Variants in MMP16 observed in about 807,000 individuals in gnomAD.
MMP16 encodes the protein matrix metallopeptidase 16.
Under a neutral mutation model 67.8 loss-of-function variants are expected in MMP16, and 12 were observed. That is an observed-to-expected ratio of 0.18 (90% CI 0.11 to 0.29). The LOEUF is 0.29. Ranked by LOEUF, MMP16 falls within the 10% of genes least tolerant of loss-of-function variation. The pLI is 1.00. For missense variants in MMP16, 475 were observed against 765.7 expected, an observed-to-expected ratio of 0.62 and a Z score of 4.48; for synonymous variants, 249 against 255.9, an observed-to-expected ratio of 0.97 and a Z score of 0.26.
Position 88,041,498 on chromosome 8 carries a change from A to T in MMP16, c.1787T>A (p.Ile596Lys). The change falls in exon 10 of 10, where the codon ATA becomes AAA. Residue 596 changes from isoleucine to lysine, a missense_variant. Ile to Lys is a moderately radical substitution (Grantham distance 102). Transcript: ENST00000286614. This position sits in a 1 kb window ranked among gnomAD's most constrained non-coding sequence, Gnocchi z 6.0. Reference sequence around the variant, plus strand: ...TTGCATAGAGCGTTTACAGTACAGTATGTGGCGGGGTGTTCCTTTCCTCTT... The same window carrying T: ...TTGCATAGAGCGTTTACAGTACAGTTTGTGGCGGGGTGTTCCTTTCCTCTT... Reference protein sequence around the residue: ...QFKRKGTPRHILYCKRSMQEW... With the variant: ...QFKRKGTPRHKLYCKRSMQEW... 6.2e-7 allele frequency: 1 copy of T among 1,614,106 alleles called. No individual in the cohort carries two copies. Among genetic ancestry groups the T allele is most frequent in the Non-Finnish European group, 8.5e-7 (1 of 1,179,958 alleles).
At chr8:88,095,144 T>C (rs866110315) in intron 6 of MMP16, among the ~76,000 whole-genome samples, 24 of 152,004 alleles carry the variant, frequency 1.6e-4, no homozygotes, top group African/African-American at 5.8e-4. Context: ...CTTAGTGATA[T>C]GGAGGAAAAG....
chr8:88,223,895 T>C (rs933301514), intron 1 of MMP16, among the ~76,000 whole-genome samples: 2 of 151,632 alleles, frequency 1.3e-5, no homozygotes, highest in Non-Finnish European at 2.9e-5. Context: ...ACCTGAAAAG[T>C]GGGAGAGTTT....
chr8:88,158,489 A>G lies in MMP16; in HGVS notation c.709+9180T>C, dbSNP rs181996474. On this transcript the variant is annotated intron_variant, in intron 4 of 9. Coordinates refer to ENST00000286614, the MANE Select transcript of MMP16 (RefSeq NM_005941.5). ...CTTCTTTTGAGAAGTGTCGATTCAT[A>G]TCCTTTGCCCACTTTTTGATGGGGT... Among the ~76,000 whole-genome samples the G allele has an allele frequency of 7.8e-3, 1,195 of 152,262 alleles. 17 individuals carry two copies. Among genetic ancestry groups the G allele is most frequent in the Middle Eastern group, 0.075 (22 of 292 alleles).
intron 3 of MMP16, among the ~76,000 whole-genome samples, chr8:88,174,901 G>A (rs772739588): frequency 2.0e-5 from 3 of 151,890 alleles, no homozygotes; most frequent in Non-Finnish European, 4.4e-5. Context: ...TAAAACGCAC[G>A]CGCCACCACG....
intron 1 of MMP16, among the ~76,000 whole-genome samples, chr8:88,284,807 C>T (rs1245448777): frequency 1.3e-5 from 2 of 151,926 alleles, no homozygotes; most frequent in East Asian, 1.9e-4. Flanking sequence ...AACTCTCTTC[C>T]CCCAAGGGTG....
chr8:88,312,123 G>C (rs1199858688), intron 1 of MMP16, among the ~76,000 whole-genome samples: 1 of 152,136 alleles, frequency 6.6e-6, no homozygotes, highest in South Asian at 2.1e-4. Flanking sequence ...TACACAGTAA[G>C]ATGGATAAGC....
intron 1 of MMP16, among the ~76,000 whole-genome samples, chr8:88,246,389 G>A (rs1040668775): frequency 2.0e-5 from 3 of 152,150 alleles, no homozygotes; most frequent in Admixed American, 6.6e-5. Context: ...TAAAGTTATT[G>A]CATATGAATC....
intron 4 of MMP16, among the ~76,000 whole-genome samples, chr8:88,162,490 A>G (rs1586183600): frequency 1.3e-5 from 2 of 152,096 alleles, no homozygotes; most frequent in South Asian, 4.1e-4. Context: ...AAGTTATCTT[A>G]CTTTAAGGAT....
chr8:88,074,804 G>A (rs745725084), intron 6 of MMP16, 61 bp from the exon 7 acceptor site: 161 of 1,563,534 alleles, frequency 1.0e-4, no homozygotes, highest in Non-Finnish European at 1.3e-4. Context: ...ATTTCACGGC[G>A]CAATGGCTGG....
chr8:88,221,213 A>C (rs1809677177), intron 1 of MMP16, among the ~76,000 whole-genome samples: 1 of 152,158 alleles, frequency 6.6e-6, no homozygotes, highest in South Asian at 2.1e-4. Context: ...CGTCCTAGAC[A>C]GCCAGGCAGG....
chr8:88,111,624 T>C (rs1389159796), intron 6 of MMP16, among the ~76,000 whole-genome samples: 2 of 151,732 alleles, frequency 1.3e-5, no homozygotes, highest in Non-Finnish European at 2.9e-5. Flanking sequence ...TTCAAGTCAG[T>C]TATTGAAGAG....
intron 1 of MMP16, among the ~76,000 whole-genome samples, chr8:88,315,933 AC>A (rs1488591857): frequency 6.6e-6 from 1 of 152,202 alleles, no homozygotes; most frequent in Non-Finnish European, 1.5e-5. Context: ...CAGTGAACAC[AC>A]AAATGATAAG....
intron 2 of MMP16, among the ~76,000 whole-genome samples, chr8:88,188,211 A>G (rs943109283): frequency 6.6e-6 from 1 of 152,210 alleles, no homozygotes; most frequent in African/African-American, 2.4e-5. Context: ...TATTGATTTA[A>G]TTAACAATTG....
At chr8:88,260,018 A>G (rs1810361860) in intron 1 of MMP16, among the ~76,000 whole-genome samples, 1 of 152,228 alleles carries the variant, frequency 6.6e-6, no homozygotes, top group Non-Finnish European at 1.5e-5. Context: ...GGTTTAACTT[A>G]GTTGACCAAA....
rs112295025 is a variant in MMP16, at chr8:88,130,759, C to CGTGT, written c.710-11902_710-11899dup. Among the ~76,000 whole-genome samples the CGTGT allele has an allele frequency of 3.5e-3, 519 of 146,752 alleles. 4 individuals are homozygous for CGTGT. Among genetic ancestry groups the CGTGT allele is most frequent in the African/African-American group, 9.9e-3 (399 of 40,250 alleles). ...CATAACCTAAATGTCTTGTGAAATACGTGTGTGTGTGTGTGTGTGTGTGTG... is the reference window on the plus strand; with the variant it reads ...CATAACCTAAATGTCTTGTGAAATACGTGTGTGTGTGTGTGTGTGTGTGTGTGTG... On this transcript the variant is annotated intron_variant, in intron 4 of 9. Coordinates refer to ENST00000286614, the MANE Select transcript of MMP16 (RefSeq NM_005941.5).
chr8:88,213,216 C>T (rs1809538144), intron 1 of MMP16, among the ~76,000 whole-genome samples: 1 of 152,062 alleles, frequency 6.6e-6, no homozygotes, highest in Non-Finnish European at 1.5e-5. Context: ...TGTTAAGATC[C>T]TCCACACTGA....
intron 1 of MMP16, among the ~76,000 whole-genome samples, chr8:88,322,972 C>T (rs146676480): frequency 6.6e-6 from 1 of 152,154 alleles, no homozygotes; most frequent in Non-Finnish European, 1.5e-5. Context: ...GCACCCTAAA[C>T]AGCCAGCATA....
At chr8:88,296,700 G>A (rs1811017729) in intron 1 of MMP16, among the ~76,000 whole-genome samples, 1 of 151,544 alleles carries the variant, frequency 6.6e-6, no homozygotes, top group Non-Finnish European at 1.5e-5. Flanking sequence ...AGGATGACAG[G>A]TATGACAGGG....
intron 1 of MMP16, among the ~76,000 whole-genome samples, chr8:88,273,310 T>C (rs938762514): frequency 6.6e-6 from 1 of 151,210 alleles, no homozygotes; most frequent in African/African-American, 2.4e-5. Context: ...AGGCTTGTCT[T>C]GAACTCCCAG....
Sources: gnomAD v4.1 joint callset for allele counts (sites outside exome capture counted in the v4.1 genomes callset) on GRCh38, gnomAD v4.1.1 for gene constraint, Gnocchi (gnomAD v3.1) non-coding constraint, MANE v1.5 for transcripts, NCBI Gene and HGNC (gene_info 2026-07-23, HGNC 2026-07-21) for gene names.